Variants in MTDH observed in about 807,000 individuals in gnomAD.
MTDH encodes protein LYRIC.
Under a neutral mutation model 72.7 loss-of-function variants are expected in MTDH, and 34 were observed. The observed-to-expected ratio is 0.47, with a 90% CI of 0.36 to 0.62. The LOEUF is 0.62. Among genes scored for constraint, MTDH ranks in the 20% least tolerant of loss-of-function variants. The pLI is 0.00. For missense variants in MTDH, 677 were observed against 699.4 expected, an observed-to-expected ratio of 0.97 and a Z score of 0.36; for synonymous variants, 266 against 268.9, an observed-to-expected ratio of 0.99 and a Z score of 0.10.
intron 10 of MTDH, 103 bp from the exon 11 acceptor site, chr8:97,722,776 T>G (rs1324750124): frequency 1.8e-6 from 2 of 1,135,850 alleles, no homozygotes; most frequent in Non-Finnish European, 2.5e-6. Flanking sequence ...GAAACCATAT[T>G]AGTATTGAAT....
At chr8:97,664,250 GGA>G (rs1812291745) in intron 2 of MTDH, among the ~76,000 whole-genome samples, 3 of 152,042 alleles carry the variant, frequency 2.0e-5, no homozygotes, top group Admixed American at 2.0e-4. Flanking sequence ...CAGCTACTCG[GGA>G]GACTGAGGCA....
chr8:97,724,150 C>T (rs1815264071), intron 11 of MTDH, among the ~76,000 whole-genome samples: 1 of 152,178 alleles, frequency 6.6e-6, no homozygotes, highest in Non-Finnish European at 1.5e-5. Flanking sequence ...GGAGAGAATA[C>T]ATTGCTGAGA....
In MTDH at chr8:97,690,948, T is replaced by C; in HGVS notation, c.812-4T>C. ...TTTTTAATATTCATTTTCTTTTCTT[T>C]AAGTTTCTTCAGGATTGAATGAAAA... is the stretch of plus-strand genomic sequence containing the variant. On this transcript the variant is annotated splice_region_variant and splice_polypyrimidine_tract_variant and intron_variant, in intron 5 of 11. Transcript: ENST00000336273. The C allele has an allele frequency of 6.3e-7, 1 of 1,589,356 alleles. No individual in the cohort carries two copies. Among genetic ancestry groups the C allele is most frequent in the Non-Finnish European group, 8.6e-7 (1 of 1,169,392 alleles).
At position 97,644,473 on chromosome 8, in the gene MTDH, C is replaced by A; in HGVS notation, c.-34C>A. On this transcript the variant is annotated 5_prime_UTR_variant, in exon 1 of 12. Transcript: ENST00000336273. The stretch of plus-strand genomic sequence containing the variant: ...ATTCCACTGCGTCTCCGCGCCCCGG[C>A]GTCATCCTGCGAGTCCCTCTGACGG... 3.9e-6 allele frequency: 6 copies of A among 1,536,990 alleles called. No individual in the cohort carries two copies. Among genetic ancestry groups the A allele is most frequent in the Non-Finnish European group, 5.2e-6 (6 of 1,150,336 alleles).
At chr8:97,712,202 T>A (rs1814666770) in intron 8 of MTDH, among the ~76,000 whole-genome samples, 1 of 152,184 alleles carries the variant, frequency 6.6e-6, no homozygotes, top group Admixed American at 6.5e-5. Flanking sequence ...CAGGCCCAGC[T>A]AATTTTTTTA....
chr8:97,694,857 A>T lies in MTDH; in HGVS notation c.1048+3669A>T, dbSNP rs569929530. Among the ~76,000 whole-genome samples, 358 of 151,934 alleles carry T rather than the reference A, an allele frequency of 2.4e-3. 16 individuals are homozygous for T. In the South Asian group the frequency reaches 0.073, roughly 31 times the overall value. On this transcript the variant is annotated intron_variant, in intron 6 of 11. Transcript: ENST00000336273. The stretch of plus-strand genomic sequence containing the variant: ...ACAATTGCTTAAACCTGGGAAGCGG[A>T]GATTGCAGTGAGCCAAGGTCGAGCC...
rs543239967 is a variant in MTDH, at chr8:97,694,340, G to A, written c.1048+3152G>A. On this transcript the variant is annotated intron_variant, in intron 6 of 11. Coordinates refer to ENST00000336273, the MANE Select transcript of MTDH (RefSeq NM_178812.4). ...AGCCTCCTGAGTAGCCTGGATTACA[G>A]GCGTGCGCCACCACGCCTGGCTAAT... Among the ~76,000 whole-genome samples the A allele has an allele frequency of 2.4e-3, 372 of 152,000 alleles. 3 individuals carry two copies. The highest frequency in any genetic ancestry group is 8.7e-3 in the African/African-American group (360 of 41,484).
chr8:97,644,590 C>G lies in MTDH; in HGVS notation c.84C>G (p.Gly28=). The G allele has an allele frequency of 6.2e-7, 1 of 1,608,894 alleles. No individual in the cohort carries two copies. Among genetic ancestry groups the G allele is most frequent in the Non-Finnish European group, 8.5e-7 (1 of 1,179,238 alleles). Residue 28 remains glycine, a synonymous_variant, in exon 1 of 12, where the codon GGC becomes GGG. Coordinates refer to ENST00000336273, the MANE Select transcript of MTDH (RefSeq NM_178812.4). ...GGCTGCGGGAAATGCTCTCGGTCGG[C>G]CTAGGCTTTCTGCGCACCGAGCTGG... ...SARLREMLSV[G]LGFLRTELGL... is the part of the protein sequence containing the mutation.
intron 7 of MTDH, among the ~76,000 whole-genome samples, chr8:97,701,192 C>T (rs1814108765): frequency 6.6e-6 from 1 of 152,062 alleles, no homozygotes. Flanking sequence ...AACATGAAAG[C>T]TCTGTAAATT....
rs151027489 is a variant in MTDH at position 97,711,793 on chromosome 8, T to G, written c.1273-1869T>G. ...ACAGTAATCATAAAAGTTATAAAAT[T>G]TACTGTAATAAAAGTTATGTGAATG... On this transcript the variant is annotated intron_variant, in intron 8 of 11. Coordinates refer to ENST00000336273, the MANE Select transcript of MTDH (RefSeq NM_178812.4). 4.9e-4 allele frequency among the ~76,000 whole-genome samples: 74 copies of G among 152,340 alleles called. No homozygotes were observed. In the Middle Eastern group the frequency reaches 0.01, roughly 21 times the overall value.
At chr8:97,692,236 G>GTT (rs966926073) in intron 6 of MTDH, among the ~76,000 whole-genome samples, 37 of 152,156 alleles carry the variant, frequency 2.4e-4, no homozygotes, top group Non-Finnish European at 1.2e-4. Flanking sequence ...GAATATGCAT[G>GTT]TTTATGTCTC....
At chr8:97,657,845 C>A (rs1812038465) in intron 1 of MTDH, among the ~76,000 whole-genome samples, 1 of 152,152 alleles carries the variant, frequency 6.6e-6, no homozygotes, top group Non-Finnish European at 1.5e-5. Context: ...TTGACAATCA[C>A]AAGGGTAGAC....
At chr8:97,700,041 C>T (rs568026614) in intron 7 of MTDH, among the ~76,000 whole-genome samples, 189 bp downstream of exon 7, 13 of 152,108 alleles carry the variant, frequency 8.5e-5, no homozygotes, top group East Asian at 5.8e-4. Flanking sequence ...ACTGAATTTT[C>T]GTAATTGAGG....
intron 2 of MTDH, among the ~76,000 whole-genome samples, chr8:97,674,850 A>T (rs949789097): frequency 2.0e-5 from 3 of 151,966 alleles, no homozygotes; most frequent in Non-Finnish European, 4.4e-5. Flanking sequence ...TTGCTCTGTC[A>T]CCTAGGCTGA....
At position 97,718,584 on chromosome 8, in the gene MTDH, G is replaced by A. The variant is rs150005570; in HGVS notation, c.1381-465G>A. ...TGCCCAGGCTGGAGTGCAATGGTGC[G>A]ATCTCGGCTCACTGCAACCTTCACC... On this transcript the variant is annotated intron_variant, in intron 9 of 11. Coordinates refer to ENST00000336273, the MANE Select transcript of MTDH (RefSeq NM_178812.4). Among the ~76,000 whole-genome samples, 693 of 149,548 alleles carry A rather than the reference G, an allele frequency of 4.6e-3. 9 individuals carry two copies. Among genetic ancestry groups the A allele is most frequent in the African/African-American group, 0.016 (645 of 40,690 alleles).
intron 5 of MTDH, 21 bp downstream of exon 5, chr8:97,689,124 CTTAAA>C (rs1813482320): frequency 1.4e-6 from 2 of 1,472,286 alleles, no homozygotes; most frequent in Admixed American, 3.6e-5. Flanking sequence ...TTACATGTAA[CTTAAA>C]TTGAAGGCCC....
At chr8:97,682,240 A>G (rs1386086042) in intron 2 of MTDH, among the ~76,000 whole-genome samples, 1 of 1,996 alleles carries the variant, frequency 5.0e-4, no homozygotes, top group Non-Finnish European at 9.8e-4. Context: ...TTATATATAT[A>G]TATATATATA....
At chr8:97,654,724 A>T (rs1307307823) in intron 1 of MTDH, among the ~76,000 whole-genome samples, 3 of 151,894 alleles carry the variant, frequency 2.0e-5, no homozygotes, top group Non-Finnish European at 4.4e-5. Flanking sequence ...CTTGCCTTTT[A>T]TCTTTTTTAT....
chr8:97,703,994 C>T (rs1204389042), intron 7 of MTDH, among the ~76,000 whole-genome samples: 4 of 152,202 alleles, frequency 2.6e-5, no homozygotes, highest in Admixed American at 6.5e-5. Flanking sequence ...CCATGCTCTT[C>T]GCCTCTGTGC....
Sources: gnomAD v4.1 joint callset for allele counts (sites outside exome capture counted in the v4.1 genomes callset) on GRCh38, gnomAD v4.1.1 for gene constraint, MANE v1.5 for transcripts, NCBI Gene and HGNC (gene_info 2026-07-23, HGNC 2026-07-21) for gene names.